Variants in CHD9 observed in about 807,000 individuals in gnomAD.
The protein encoded by CHD9 is ATP-dependent chromatin remodeler CHD9.
In CHD9, 77 loss-of-function variants were observed where a neutral mutation model predicts 316.1. The observed-to-expected ratio is 0.24, with a 90% CI of 0.20 to 0.29. The LOEUF (loss-of-function observed/expected upper bound fraction) is 0.29, where lower values mean the gene tolerates loss of function less well. Ranked by LOEUF, CHD9 falls within the 10% of genes least tolerant of loss-of-function variation. The probability of loss-of-function intolerance (pLI) is 1.00; values close to 1 mark genes in which losing one functional copy is unlikely to be tolerated. For synonymous variants in CHD9, 1,129 were observed against 1,158.3 expected (o/e 0.97, Z 0.51); for missense variants, 2,763 against 3,438.1 (o/e 0.80, Z 4.91).
At chr16:53,143,908 C>A (rs541539587) in intron 1 of CHD9, among the ~76,000 whole-genome samples, 1 of 152,190 alleles carries the variant, frequency 6.6e-6, no homozygotes, top group South Asian at 2.1e-4. Context: ...AATGTAATGA[C>A]CTTTTTCAGC....
chr16:53,286,409 A>T (rs569153091), intron 26 of CHD9, 66 bp downstream of exon 26: 5 of 817,902 alleles, frequency 6.1e-6, no homozygotes, highest in South Asian at 4.6e-5. Context: ...AGCATATTCT[A>T]TGTCACACTA....
At chr16:53,291,643 A>G in intron 27 of CHD9, 82 bp from the exon 28 acceptor site, 1 of 912,998 alleles carries the variant, frequency 1.1e-6, no homozygotes, top group Non-Finnish European at 1.7e-6. Context: ...TCTCTGTTAT[A>G]AAGAAGTTTG....
At chr16:53,102,096 G>C (rs1019029554) in intron 1 of CHD9, among the ~76,000 whole-genome samples, 7 of 152,148 alleles carry the variant, frequency 4.6e-5, no homozygotes, top group African/African-American at 1.7e-4. Flanking sequence ...GGGTGATGCT[G>C]GTTGCATTGT....
chr16:53,277,033 A>G (rs550050879), intron 24 of CHD9, among the ~76,000 whole-genome samples: 2 of 152,196 alleles, frequency 1.3e-5, no homozygotes, highest in Non-Finnish European at 2.9e-5. Context: ...CTGGAAAGAT[A>G]CAACCATCCT....
intron 37 of CHD9, 143 bp from the exon 38 acceptor site, chr16:53,321,383 T>C (rs1459477554): frequency 7.2e-7 from 1 of 1,386,862 alleles, no homozygotes; most frequent in African/African-American, 1.4e-5. Context: ...GGTGGGCCTT[T>C]TTAATATAAT....
In CHD9 at chr16:53,175,619, TATG is replaced by T. The variant is rs1304153325; in HGVS notation, c.1452+18081_1452+18083del. 2.0e-5 allele frequency among the ~76,000 whole-genome samples: 3 copies of T among 152,346 alleles called. No individual in the cohort carries two copies. In the East Asian group the frequency reaches 5.8e-4, roughly 29 times the overall value. On this transcript the variant is annotated intron_variant, in intron 2 of 38. Transcript: ENST00000447540. ...ATAATTGTTTATTCTTCTTTGACAG[TATG>T]ATAAGCATCTTTATAGATACATTGT... is the stretch of plus-strand genomic sequence containing the variant.
chr16:53,160,055 C>T (rs1336439681), intron 2 of CHD9, among the ~76,000 whole-genome samples: 9 of 152,134 alleles, frequency 5.9e-5, no homozygotes, highest in Admixed American at 5.9e-4. Flanking sequence ...TGATTTTGCT[C>T]CCCCTACTGG....
At chr16:53,286,380 C>A in intron 26 of CHD9, 37 bp downstream of exon 26, 2 of 1,071,550 alleles carry the variant, frequency 1.9e-6, no homozygotes, top group Admixed American at 1.8e-5. Flanking sequence ...TTCTATATAT[C>A]TCTCTTCTAT....
chr16:53,180,136 A>G (rs2043388136), intron 2 of CHD9, among the ~76,000 whole-genome samples: 1 of 149,726 alleles, frequency 6.7e-6, no homozygotes, highest in East Asian at 2.0e-4. Context: ...CCTCCCGAGT[A>G]GCTGGGATTA....
rs372648874 is a variant in CHD9, at chr16:53,242,823, T to C, written c.2878-17T>C. ...ATTAAAATATTCCAGCAAATAATTA[T>C]ATTTGATCATTTCTAGGGGCGTATC... is the stretch of plus-strand genomic sequence containing the variant. On this transcript the variant is annotated splice_polypyrimidine_tract_variant and intron_variant, in intron 12 of 38. Transcript: ENST00000447540. 6.9e-6 allele frequency: 11 copies of C among 1,591,482 alleles called. No homozygotes were observed. The Middle Eastern group carries it at 6.6e-4, about 96-fold the overall frequency.
At chr16:53,197,346 T>C (rs894697155) in intron 2 of CHD9, among the ~76,000 whole-genome samples, 7 of 152,194 alleles carry the variant, frequency 4.6e-5, no homozygotes, top group African/African-American at 1.7e-4. Flanking sequence ...TTTTTAATTA[T>C]AGTAGGATTT....
intron 1 of CHD9, among the ~76,000 whole-genome samples, chr16:53,067,441 T>A (rs1017250856): frequency 6.6e-6 from 1 of 152,170 alleles, no homozygotes; most frequent in Admixed American, 6.6e-5. Flanking sequence ...CAAATTACAT[T>A]TATATCTTTT....
chr16:53,056,505 T>A (rs2032139561), intron 1 of CHD9, among the ~76,000 whole-genome samples: 1 of 152,194 alleles, frequency 6.6e-6, no homozygotes, highest in Admixed American at 6.5e-5. Flanking sequence ...AGGCCAATGA[T>A]CTTGCTCGAA....
chr16:53,238,696 A>G, intron 12 of CHD9, 110 bp downstream of exon 12: 1 of 1,088,666 alleles, frequency 9.2e-7, no homozygotes, highest in East Asian at 2.4e-5. Context: ...GCCTACCTAG[A>G]TCTTAGTTTA....
chr16:53,228,794 G>A (rs1277736307), intron 7 of CHD9, among the ~76,000 whole-genome samples, 189 bp from the exon 8 acceptor site: 1 of 151,880 alleles, frequency 6.6e-6, no homozygotes, highest in African/African-American at 2.4e-5. Flanking sequence ...TTTAGACTAC[G>A]ACCTCCTTAG....
At position 53,062,632 on chromosome 16, in the gene CHD9, C is replaced by T. The variant is rs999253208; in HGVS notation, c.-165+7555C>T. 5.8e-4 allele frequency among the ~76,000 whole-genome samples: 88 copies of T among 152,094 alleles called. 1 individual carries two copies. Among genetic ancestry groups the T allele is most frequent in the Admixed American group, 2.3e-3 (35 of 15,260 alleles). On this transcript the variant is annotated intron_variant, in intron 1 of 38. Transcript: ENST00000447540. ...GTGATGCATGCCTGTAATCCAGCTACTCAGGAGGCTGAGGTGGGAGGATGG... is the reference window on the plus strand; with the variant it reads ...GTGATGCATGCCTGTAATCCAGCTATTCAGGAGGCTGAGGTGGGAGGATGG...
intron 7 of CHD9, among the ~76,000 whole-genome samples, 190 bp from the exon 8 acceptor site, chr16:53,228,793 C>T (rs975020859): frequency 2.0e-5 from 3 of 152,006 alleles, no homozygotes; most frequent in East Asian, 1.9e-4. Context: ...CTTTAGACTA[C>T]GACCTCCTTA....
chr16:53,314,148 A>AT, intron 34 of CHD9, among the ~76,000 whole-genome samples: 1 of 152,192 alleles, frequency 6.6e-6, no homozygotes, highest in East Asian at 1.9e-4. Flanking sequence ...AAATGTGTGA[A>AT]TATCGGGAAA....
At chr16:53,183,266 T>A (rs1354952064) in intron 2 of CHD9, among the ~76,000 whole-genome samples, 1 of 152,224 alleles carries the variant, frequency 6.6e-6, no homozygotes, top group Non-Finnish European at 1.5e-5. Context: ...ACATTATGGA[T>A]AACCATTGAA....
Sources: gnomAD v4.1 joint callset for allele counts (sites outside exome capture counted in the v4.1 genomes callset) on GRCh38, gnomAD v4.1.1 for gene constraint, MANE v1.5 for transcripts, NCBI Gene and HGNC (gene_info 2026-07-23, HGNC 2026-07-21) for gene names.